The following ABTB2 variants were observed in gnomAD, a reference collection of about 807,000 sequenced individuals.
The protein encoded by ABTB2 is ankyrin repeat and BTB/POZ domain-containing protein 2.
Under a neutral mutation model 104.1 loss-of-function variants are expected in ABTB2, and 56 were observed. The observed-to-expected ratio is 0.54, with a 90% CI of 0.43 to 0.67. The LOEUF is 0.67. ABTB2 is among the 30% of genes least tolerant of loss of function. The pLI, the probability that ABTB2 is intolerant of heterozygous loss-of-function variation, is 0.00. For missense variants in ABTB2, 1,279 were observed against 1,407.7 expected, an observed-to-expected ratio of 0.91 and a Z score of 1.46; for synonymous variants, 606 against 608.2, an observed-to-expected ratio of 1.00 and a Z score of 0.05.
chr11:34,302,416 G>C (rs552551542), intron 1 of ABTB2, among the ~76,000 whole-genome samples: 1 of 152,296 alleles, frequency 6.6e-6, no homozygotes, highest in East Asian at 1.9e-4. Flanking sequence ...TGACTGGTCA[G>C]ATTCAAATTC....
chr11:34,167,453 C>T (rs1205200649), intron 6 of ABTB2, 93 bp from the exon 7 acceptor site: 14 of 1,004,570 alleles, frequency 1.4e-5, no homozygotes, highest in Non-Finnish European at 2.0e-5. Context: ...CAAGTGCTTT[C>T]TACATTCGAT....
At chr11:34,251,957 T>A (rs1326553511) in intron 1 of ABTB2, among the ~76,000 whole-genome samples, 1 of 152,128 alleles carries the variant, frequency 6.6e-6, no homozygotes, top group Non-Finnish European at 1.5e-5. Flanking sequence ...CCTCACCCAG[T>A]CCCATCCTGG....
At chr11:34,211,820 C>T (rs1020632786) in intron 1 of ABTB2, among the ~76,000 whole-genome samples, 7 of 143,534 alleles carry the variant, frequency 4.9e-5, no homozygotes, top group African/African-American at 1.8e-4. Context: ...AACTGGGAGG[C>T]AGAGGTTGCA....
chr11:34,235,756 C>T (rs555435173), intron 1 of ABTB2, among the ~76,000 whole-genome samples: 1 of 152,306 alleles, frequency 6.6e-6, no homozygotes, highest in African/African-American at 2.4e-5. Flanking sequence ...TCGCTAATTG[C>T]ACTTTGCAGA....
intron 1 of ABTB2, among the ~76,000 whole-genome samples, chr11:34,261,400 T>C (rs1388836154): frequency 6.6e-6 from 1 of 152,196 alleles, no homozygotes; most frequent in African/African-American, 2.4e-5. Flanking sequence ...GGTAGTCTGT[T>C]TTTTTCATAC....
intron 1 of ABTB2, among the ~76,000 whole-genome samples, chr11:34,216,655 G>A (rs1489815847): frequency 1.3e-5 from 2 of 152,150 alleles, no homozygotes; most frequent in Non-Finnish European, 2.9e-5. Flanking sequence ...GGAGGCTGAG[G>A]CAGGAGAATC....
chr11:34,315,947 T>A (rs758822425), intron 1 of ABTB2, among the ~76,000 whole-genome samples: 33 of 152,188 alleles, frequency 2.2e-4, no homozygotes, highest in Non-Finnish European at 1.5e-5. Flanking sequence ...ATGCGGCAAT[T>A]TCTAACCAGT....
rs1360873233 is a variant in ABTB2, at chr11:34,356,649, G to A, written c.883+52C>T. 1.1e-5 allele frequency: 17 copies of A among 1,491,390 alleles called. 1 individual carries two copies. In the East Asian group the frequency reaches 3.8e-4, roughly 34 times the overall value. 92.4% of individuals were successfully genotyped at this position (1,491,390 alleles called of 1,614,324 possible). ...GGAAATTCACTCCCCCAGTAGCCCA[G>A]GGCGGGATTTCTTGCCTACCCAGTC... On this transcript the variant is annotated intron_variant, in intron 1 of 16. Coordinates refer to ENST00000435224, the MANE Select transcript of ABTB2 (RefSeq NM_145804.3). The surrounding 1 kb of genome is among the most constrained non-coding windows in gnomAD (Gnocchi z 4.6).
chr11:34,245,433 G>A (rs1853973711), intron 1 of ABTB2, among the ~76,000 whole-genome samples: 1 of 152,316 alleles, frequency 6.6e-6, no homozygotes, highest in South Asian at 2.1e-4. Context: ...TATGGAAGCC[G>A]ACTGCAGACC....
At chr11:34,213,337 G>A (rs1322994867) in intron 1 of ABTB2, among the ~76,000 whole-genome samples, 2 of 152,146 alleles carry the variant, frequency 1.3e-5, no homozygotes, top group East Asian at 1.9e-4. Flanking sequence ...AAAATTAGCC[G>A]GGCGTGGTGG....
chr11:34,349,238 G>C (rs561751663), intron 1 of ABTB2, among the ~76,000 whole-genome samples: 2 of 152,292 alleles, frequency 1.3e-5, no homozygotes, highest in Non-Finnish European at 2.9e-5. Context: ...CAGGAGAATT[G>C]CTCTCTGGGG....
At chr11:34,293,771 C>A (rs1055969933) in intron 1 of ABTB2, among the ~76,000 whole-genome samples, 40 of 152,056 alleles carry the variant, frequency 2.6e-4, no homozygotes, top group African/African-American at 9.4e-4. Flanking sequence ...GTCGCCCAGG[C>A]TGGAGTGCAA....
In ABTB2 at chr11:34,173,154, C is replaced by T; in HGVS notation, c.1397+1G>A. 6.2e-7 allele frequency: 1 copy of T among 1,613,742 alleles called. No homozygotes were observed. The highest frequency in any genetic ancestry group is 8.5e-7 in the Non-Finnish European group (1 of 1,179,918). ...GGCCCTCCCTCCTCCCTGGTTCATA[C>T]TTGAGCTGCCGAGGTTCACAGTCCA... On this transcript the variant is annotated splice_donor_variant, in intron 4 of 16. Transcript: ENST00000435224. LOFTEE classifies it high-confidence loss of function.
chr11:34,346,472 C>G (rs1004933694), intron 1 of ABTB2, among the ~76,000 whole-genome samples: 1 of 152,130 alleles, frequency 6.6e-6, no homozygotes, highest in Non-Finnish European at 1.5e-5. Context: ...GAAAGGGGCA[C>G]AGGAAAACCC....
chr11:34,240,320 C>T (rs1853897130), intron 1 of ABTB2, among the ~76,000 whole-genome samples: 1 of 152,208 alleles, frequency 6.6e-6, no homozygotes, highest in South Asian at 2.1e-4. Context: ...GCAGGAGCAG[C>T]TCAAAGCTGG....
intron 10 of ABTB2, 107 bp from the exon 11 acceptor site, chr11:34,161,188 G>T: frequency 8.2e-7 from 1 of 1,220,680 alleles, no homozygotes; most frequent in Non-Finnish European, 1.1e-6. Flanking sequence ...CCCGCTGTCT[G>T]CAGAGCACCC....
At chr11:34,293,674 C>T (rs1004772174) in intron 1 of ABTB2, among the ~76,000 whole-genome samples, 4 of 152,066 alleles carry the variant, frequency 2.6e-5, no homozygotes, top group African/African-American at 4.8e-5. Flanking sequence ...TGGACCCACA[C>T]GCACCTGTGA....
intron 3 of ABTB2, among the ~76,000 whole-genome samples, chr11:34,183,866 G>T (rs368967177): frequency 6.6e-6 from 1 of 152,070 alleles, no homozygotes; most frequent in Non-Finnish European, 1.5e-5. Flanking sequence ...GGTTTCAGGG[G>T]CTGCTCTTAC....
intron 1 of ABTB2, among the ~76,000 whole-genome samples, chr11:34,256,145 G>A (rs1270902013): frequency 2.0e-4 from 26 of 130,350 alleles, no homozygotes; most frequent in Admixed American, 1.8e-3. Flanking sequence ...CACTGCCGTC[G>A]GTTTTATCAT....
Sources: gnomAD v4.1 joint callset for allele counts (sites outside exome capture counted in the v4.1 genomes callset) on GRCh38, gnomAD v4.1.1 for gene constraint, Gnocchi (gnomAD v3.1) non-coding constraint, MANE v1.5 for transcripts, NCBI Gene and HGNC (gene_info 2026-07-23, HGNC 2026-07-21) for gene names.